Variants in C19orf67 observed in about 807,000 individuals in gnomAD.
C19orf67 encodes the protein chromosome 19 open reading frame 67.
C19orf67 carries 28 observed loss-of-function variants against 41.4 expected under a neutral mutation model. That is an observed-to-expected ratio of 0.68 (90% CI 0.50 to 0.93). The LOEUF is 0.93. C19orf67 is among the 40% of genes least tolerant of loss of function. The probability of loss-of-function intolerance (pLI) is 0.00; values close to 1 mark genes in which losing one functional copy is unlikely to be tolerated. For missense variants in C19orf67, 421 were observed against 467.0 expected, an observed-to-expected ratio of 0.90 and a Z score of 0.91; for synonymous variants, 242 against 203.4, an observed-to-expected ratio of 1.19 and a Z score of -1.62.
chr19:14,082,612 G>A lies in C19orf67; in HGVS notation c.768-9C>T. On this transcript the variant is annotated splice_polypyrimidine_tract_variant and intron_variant, in intron 4 of 5. Coordinates refer to ENST00000548523, the MANE Select transcript of C19orf67 (RefSeq NM_001277378.2). ...GATAGCACAGAAAGTAGCTAGGAGG[G>A]GAGGGAGCTGTAATTAGAAGTGATC... 3 of 1,535,054 alleles carry A rather than the reference G, an allele frequency of 2.0e-6. No individual in the cohort carries two copies. Among genetic ancestry groups the A allele is most frequent in the Non-Finnish European group, 2.6e-6 (3 of 1,146,218 alleles).
At chr19:14,083,160 G>T in intron 4 of C19orf67, 77 bp downstream of exon 4, 18 of 1,299,470 alleles carry the variant, frequency 1.4e-5, no homozygotes, top group East Asian at 5.2e-5. Flanking sequence ...TTTTCACTTT[G>T]CTGGTGACGG....
chr19:14,082,117 C>A (rs1242510586), intron 5 of C19orf67, 109 bp from the exon 6 acceptor site: 2 of 1,028,790 alleles, frequency 1.9e-6, no homozygotes, highest in South Asian at 1.8e-5. Flanking sequence ...TTTGTTTCAG[C>A]TGCGGGTGGG....
intron 1 of C19orf67, 71 bp downstream of exon 1, chr19:14,085,222 T>C: frequency 7.7e-7 from 1 of 1,306,348 alleles, no homozygotes. Flanking sequence ...CCCTGGTGTG[T>C]GTCACCCATC....
chr19:14,085,621 T>C lies in C19orf67; in HGVS notation c.7A>G (p.Thr3Ala). 3 of 1,530,928 alleles carry C rather than the reference T, an allele frequency of 2.0e-6. No homozygotes were observed. The highest frequency in any genetic ancestry group is 2.6e-6 in the Non-Finnish European group (3 of 1,143,302). 94.8% of individuals were successfully genotyped at this position (1,530,928 alleles called of 1,614,324 possible). A position where few individuals can be genotyped will look rare whatever the true frequency, so the allele number is the denominator to read the frequency against. The change falls in exon 1 of 6, where the codon ACA becomes GCA. Residue 3 changes from threonine to alanine, a missense_variant. Coordinates refer to ENST00000548523, the MANE Select transcript of C19orf67 (RefSeq NM_001277378.2). MA[T>A]EQWFEGSLPL... ...AGCGACCCCTCGAACCACTGCTCTG[T>C]AGCCATGGTAGGGCCGGGGGGCGGG...
At chr19:14,082,038 C>A in intron 5 of C19orf67, 30 bp from the exon 6 acceptor site, 3 of 1,455,280 alleles carry the variant, frequency 2.1e-6, no homozygotes, top group African/African-American at 1.4e-5. Flanking sequence ...GATAGACAGG[C>A]CTGGACTTGA....
In C19orf67 at chr19:14,082,359, G is replaced by T. The variant is rs990575084; in HGVS notation, c.902+110C>A. The T allele has an allele frequency of 1.5e-5, 18 of 1,236,710 alleles. No individual in the cohort carries two copies. The African/African-American group carries it at 2.6e-4, about 18-fold the overall frequency. 76.6% of individuals were successfully genotyped at this position (1,236,710 alleles called of 1,614,324 possible). A position where few individuals can be genotyped will look rare whatever the true frequency, so the allele number is the denominator to read the frequency against. ...AGTGCTTTTCAGGGCACAATAAAATGCTATCACTACTAAGGGAAGCAAAGT... is the reference window on the plus strand; with the variant it reads ...AGTGCTTTTCAGGGCACAATAAAATTCTATCACTACTAAGGGAAGCAAAGT... On this transcript the variant is annotated intron_variant, in intron 5 of 5. Coordinates refer to ENST00000548523, the MANE Select transcript of C19orf67 (RefSeq NM_001277378.2).
intron 4 of C19orf67, 38 bp from the exon 5 acceptor site, chr19:14,082,641 T>G (rs958885560): frequency 1.3e-6 from 2 of 1,519,820 alleles, no homozygotes; most frequent in African/African-American, 2.8e-5. Context: ...AGTGATCAGC[T>G]TCCTAGCTAC....
chr19:14,082,459 T>C lies in C19orf67; in HGVS notation c.902+10A>G. The C allele has an allele frequency of 1.3e-6, 2 of 1,530,526 alleles. No homozygotes were observed. The highest frequency in any genetic ancestry group is 1.4e-5 in the African/African-American group (1 of 72,972). The allele number at this position is 1,530,526 out of a possible 1,614,324, so 94.8% of individuals were successfully genotyped here. On this transcript the variant is annotated intron_variant, in intron 5 of 5. Transcript: ENST00000548523. Reference sequence around the variant, plus strand: ...TCCCAGGCCCACGTTGCTATTGCCCTAGCTCCTACCATGAATAAAGGTCAT... The same window carrying C: ...TCCCAGGCCCACGTTGCTATTGCCCCAGCTCCTACCATGAATAAAGGTCAT...
At chr19:14,082,702 T>C in intron 4 of C19orf67, 99 bp from the exon 5 acceptor site, 1 of 1,178,190 alleles carries the variant, frequency 8.5e-7, no homozygotes, top group African/African-American at 1.6e-5. Context: ...CATCAGAAGT[T>C]GCCCTGAAGT....
In C19orf67 at chr19:14,081,748, A is replaced by G; in HGVS notation, c.*86T>C. The G allele has an allele frequency of 2.5e-6, 3 of 1,189,486 alleles. No individual in the cohort carries two copies. 73.7% of individuals were successfully genotyped at this position (1,189,486 alleles called of 1,614,324 possible). A position where few individuals can be genotyped will look rare whatever the true frequency, so the allele number is the denominator to read the frequency against. On this transcript the variant is annotated 3_prime_UTR_variant, in exon 6 of 6. Coordinates refer to ENST00000548523, the MANE Select transcript of C19orf67 (RefSeq NM_001277378.2). ...CCTTTGGAAGGCGAGGCCGGGCTGC[A>G]CTGCGAGAACGAGTGAGCCCCTCCC...
intron 1 of C19orf67, among the ~76,000 whole-genome samples, chr19:14,084,684 T>A (rs1976826739): frequency 6.6e-6 from 1 of 151,614 alleles, no homozygotes; most frequent in South Asian, 2.1e-4. Flanking sequence ...AAGAAAAAAA[T>A]TAGCCGGGCA....
chr19:14,085,657 C>T lies in C19orf67; in HGVS notation c.-30G>A, dbSNP rs1293601784. On this transcript the variant is annotated 5_prime_UTR_variant, in exon 1 of 6. Coordinates refer to ENST00000548523, the MANE Select transcript of C19orf67 (RefSeq NM_001277378.2). Reference sequence around the variant, plus strand: ...GGGCCGGGGGGCGGGAACCTGAGCTCTTTAAGCTTCCGCTGCTGCTCAGGT... The same window carrying T: ...GGGCCGGGGGGCGGGAACCTGAGCTTTTTAAGCTTCCGCTGCTGCTCAGGT... 1 of 1,468,250 alleles carries T rather than the reference C, an allele frequency of 6.8e-7. No homozygotes were observed. The highest frequency in any genetic ancestry group is 1.2e-5 in the South Asian group (1 of 82,512). The allele number at this position is 1,468,250 out of a possible 1,614,324, so 91.0% of individuals were successfully genotyped here. A position where few individuals can be genotyped will look rare whatever the true frequency, so the allele number is the denominator to read the frequency against.
intron 4 of C19orf67, 150 bp from the exon 5 acceptor site, chr19:14,082,753 C>T: frequency 3.1e-6 from 2 of 642,696 alleles, no homozygotes; most frequent in Non-Finnish European, 4.9e-6. Context: ...TTCTCCCTGC[C>T]AGCCTACTTT....
chr19:14,082,619 G>A lies in C19orf67; in HGVS notation c.768-16C>T, dbSNP rs1976786607. 1 of 1,534,580 alleles carries A rather than the reference G, an allele frequency of 6.5e-7. No individual in the cohort carries two copies. Among genetic ancestry groups the A allele is most frequent in the Non-Finnish European group, 8.7e-7 (1 of 1,145,832 alleles). ...CAGAAAGTAGCTAGGAGGGGAGGGAGCTGTAATTAGAAGTGATCAGCTTCC... is the reference window on the plus strand; with the variant it reads ...CAGAAAGTAGCTAGGAGGGGAGGGAACTGTAATTAGAAGTGATCAGCTTCC... On this transcript the variant is annotated splice_polypyrimidine_tract_variant and intron_variant, in intron 4 of 5. Transcript: ENST00000548523.
At chr19:14,085,253 C>T (rs997618811) in intron 1 of C19orf67, 40 bp downstream of exon 1, 3 of 1,515,848 alleles carry the variant, frequency 2.0e-6, no homozygotes, top group Non-Finnish European at 2.7e-6. Context: ...CCCTCCAAGT[C>T]TCCTTACCCA....
Position 14,081,745 on chromosome 19 carries a change from T to C in C19orf67, c.*89A>G. On this transcript the variant is annotated 3_prime_UTR_variant, in exon 6 of 6. Transcript: ENST00000548523. Reference sequence around the variant, plus strand: ...GGCCCTTTGGAAGGCGAGGCCGGGCTGCACTGCGAGAACGAGTGAGCCCCT... The same window carrying C: ...GGCCCTTTGGAAGGCGAGGCCGGGCCGCACTGCGAGAACGAGTGAGCCCCT... 8.5e-7 allele frequency: 1 copy of C among 1,174,316 alleles called. No homozygotes were observed. The highest frequency in any genetic ancestry group is 3.0e-5 in the East Asian group (1 of 33,852). The allele number at this position is 1,174,316 out of a possible 1,614,324, so 72.7% of individuals were successfully genotyped here. A position where few individuals can be genotyped will look rare whatever the true frequency, so the allele number is the denominator to read the frequency against.
In C19orf67 at chr19:14,082,456, C is replaced by A; in HGVS notation, c.902+13G>T. On this transcript the variant is annotated intron_variant, in intron 5 of 5. Transcript: ENST00000548523. ...AGCTCCCAGGCCCACGTTGCTATTG[C>A]CCTAGCTCCTACCATGAATAAAGGT... The A allele has an allele frequency of 1.3e-6, 2 of 1,529,496 alleles. No homozygotes were observed. The highest frequency in any genetic ancestry group is 1.7e-6 in the Non-Finnish European group (2 of 1,143,092). The allele number at this position is 1,529,496 out of a possible 1,614,324, so 94.7% of individuals were successfully genotyped here. A position where few individuals can be genotyped will look rare whatever the true frequency, so the allele number is the denominator to read the frequency against.
Position 14,085,642 on chromosome 19 carries a change from G to T in C19orf67, c.-15C>A. 1 of 1,511,682 alleles carries T rather than the reference G, an allele frequency of 6.6e-7. No individual in the cohort carries two copies. The highest frequency in any genetic ancestry group is 2.4e-5 in the East Asian group (1 of 40,818). 93.6% of individuals were successfully genotyped at this position (1,511,682 alleles called of 1,614,324 possible). ...TCTGTAGCCATGGTAGGGCCGGGGG[G>T]CGGGAACCTGAGCTCTTTAAGCTTC... On this transcript the variant is annotated 5_prime_UTR_variant, in exon 1 of 6. Transcript: ENST00000548523.
At position 14,083,619 on chromosome 19, in the gene C19orf67, G is replaced by A. The variant is rs1489238203; in HGVS notation, c.481-14C>T. 24 of 1,535,348 alleles carry A rather than the reference G, an allele frequency of 1.6e-5. No individual in the cohort carries two copies. Among genetic ancestry groups the A allele is most frequent in the Non-Finnish European group, 2.1e-5 (24 of 1,146,306 alleles). Reference sequence around the variant, plus strand: ...GATCTCTAACAGCTGCATACAAGAGGGGGGTACAGTGAGATCAGCTGGCCT... The same window carrying A: ...GATCTCTAACAGCTGCATACAAGAGAGGGGTACAGTGAGATCAGCTGGCCT... On this transcript the variant is annotated splice_polypyrimidine_tract_variant and intron_variant, in intron 2 of 5. Coordinates refer to ENST00000548523, the MANE Select transcript of C19orf67 (RefSeq NM_001277378.2).
Sources: allele counts gnomAD v4.1 joint callset (sites outside exome capture counted in the v4.1 genomes callset), GRCh38; gene constraint gnomAD v4.1.1; transcripts MANE v1.5; gene names NCBI Gene and HGNC (gene_info 2026-07-23, HGNC 2026-07-21).